KCTD2: variants seen among roughly 807,000 people sequenced by gnomAD.
The protein encoded by KCTD2 is BTB/POZ domain-containing protein KCTD2.
A neutral mutation model predicts 27.9 loss-of-function variants in KCTD2; 18 were observed. The observed-to-expected ratio is 0.64, with a 90% CI of 0.45 to 0.96. The LOEUF (loss-of-function observed/expected upper bound fraction) is 0.96, where lower values mean the gene tolerates loss of function less well. Among genes scored for constraint, KCTD2 ranks in the 40% least tolerant of loss-of-function variants. The pLI is 0.00. For missense variants in KCTD2, 280 were observed against 348.0 expected (o/e 0.80, Z 1.56); for synonymous variants, 175 against 148.4 (o/e 1.18, Z -1.30).
intron 3 of KCTD2, 54 bp downstream of exon 3, chr17:75,053,159 C>G: frequency 7.1e-7 from 1 of 1,400,776 alleles, no homozygotes; most frequent in Non-Finnish European, 1.0e-6. Context: ...TTCTGTCGGT[C>G]GGTCTGTGAT....
Position 75,059,243 on chromosome 17 carries a change from T to G in KCTD2, c.541-267T>G, listed in dbSNP as rs372119032. The G allele has an allele frequency of 5.1e-5, 14 of 274,816 alleles. No individual in the cohort carries two copies. The South Asian group carries it at 2.1e-3, about 42-fold the overall frequency. The allele number at this position is 274,816 out of a possible 1,614,324, so 17.0% of individuals were successfully genotyped here. The stretch of plus-strand genomic sequence containing the variant: ...GAAGTTCAGAATTATTTTACCTTTT[T>G]TATTCTTTCACTCTTTGGATATGTT... On this transcript the variant is annotated intron_variant, in intron 3 of 5. Transcript: ENST00000322444.
intron 3 of KCTD2, among the ~76,000 whole-genome samples, chr17:75,054,041 A>G (rs1354339066): frequency 6.6e-6 from 1 of 151,444 alleles, no homozygotes; most frequent in East Asian, 1.9e-4. Flanking sequence ...AGGGAGGACA[A>G]GGTCTCACTC....
intron 3 of KCTD2, among the ~76,000 whole-genome samples, chr17:75,058,722 C>T (rs1164122611): frequency 6.6e-6 from 1 of 151,802 alleles, no homozygotes; most frequent in South Asian, 2.1e-4. Flanking sequence ...TCGCTTGAAC[C>T]GGGGAGGCGG....
chr17:75,034,938 C>T (rs1327635297), intron 2 of KCTD2, among the ~76,000 whole-genome samples: 1 of 152,118 alleles, frequency 6.6e-6, no homozygotes, highest in Admixed American at 6.5e-5. Flanking sequence ...CAGGGAGGCT[C>T]AGAGACTAGT....
Position 75,042,103 on chromosome 17 carries a change from G to A in KCTD2, c.-259+6746G>A, listed in dbSNP as rs1567987594. 5.6e-6 allele frequency: 7 copies of A among 1,257,822 alleles called. No homozygotes were observed. The East Asian group carries it at 1.2e-4, about 21-fold the overall frequency. The allele number at this position is 1,257,822 out of a possible 1,614,324, so 77.9% of individuals were successfully genotyped here. A position where few individuals can be genotyped will look rare whatever the true frequency, so the allele number is the denominator to read the frequency against. On this transcript the variant is annotated intron_variant, in intron 3 of 7. Coordinates refer to the KCTD2 transcript ENST00000581589. ...CTTAGGGATCTGGCTGTCATGCTGTGTATGTAATTATCCCTGTTCCTGCTC... is the reference window on the plus strand; with the variant it reads ...CTTAGGGATCTGGCTGTCATGCTGTATATGTAATTATCCCTGTTCCTGCTC...
intron 2 of KCTD2, among the ~76,000 whole-genome samples, chr17:75,051,892 C>G (rs1171694686): frequency 6.6e-6 from 1 of 152,160 alleles, no homozygotes; most frequent in Non-Finnish European, 1.5e-5. Context: ...TCACACGTCT[C>G]ATAGTTGCCC....
In KCTD2 at chr17:75,064,269, G is replaced by A. The variant is rs896785077; in HGVS notation, c.*1222G>A. ...GAGTTTGTGTCCACACTTTCTCTCC[G>A]AGCATGTGGGTCTCGCTGAGCAGTC... On this transcript the variant is annotated 3_prime_UTR_variant, in exon 6 of 6. Coordinates refer to ENST00000322444, the MANE Select transcript of KCTD2 (RefSeq NM_015353.3). The A allele has an allele frequency of 2.0e-5, 3 of 152,252 alleles. No homozygotes were observed. The highest frequency in any genetic ancestry group is 2.9e-5 in the Non-Finnish European group (2 of 68,062). 9.4% of individuals were successfully genotyped at this position (152,252 alleles called of 1,614,324 possible).
chr17:75,042,943 A>T (rs1476804448), upstream of KCTD2, among the ~76,000 whole-genome samples: 1 of 152,218 alleles, frequency 6.6e-6, no homozygotes, highest in African/African-American at 2.4e-5. Flanking sequence ...GTGTGCGGCC[A>T]GGCGCAGTGG....
At chr17:75,058,753 G>A (rs554284151) in intron 3 of KCTD2, among the ~76,000 whole-genome samples, 2 of 151,826 alleles carry the variant, frequency 1.3e-5, no homozygotes, top group South Asian at 2.1e-4. Context: ...AGCTGAGATC[G>A]CGCCACTGTA....
At chr17:75,039,153 T>C (rs144012337) in intron 3 of KCTD2, 15 of 1,612,040 alleles carry the variant, frequency 9.3e-6, no homozygotes, top group African/African-American at 6.7e-5. Flanking sequence ...GTGAAAGATG[T>C]GTGGTCATGA....
upstream of KCTD2, among the ~76,000 whole-genome samples, chr17:75,043,154 G>C (rs1285062962): frequency 6.6e-6 from 1 of 152,234 alleles, no homozygotes; most frequent in Non-Finnish European, 1.5e-5. Flanking sequence ...CCAGGAGGCA[G>C]AGGTTGTAAT....
chr17:75,061,671 A>C (rs1197559698), intron 4 of KCTD2, among the ~76,000 whole-genome samples: 1 of 152,138 alleles, frequency 6.6e-6, no homozygotes, highest in African/African-American at 2.4e-5. Context: ...TACCAGCAGC[A>C]TATGACTTCC....
intron 2 of KCTD2, chr17:75,035,115 C>T (rs566835390): frequency 5.3e-5 from 8 of 152,154 alleles, no homozygotes; most frequent in East Asian, 2.0e-4. Flanking sequence ...CAGCCGGAGA[C>T]CGCGTGGCCT....
chr17:75,033,753 TC>T (rs1368028266), intron 1 of KCTD2, among the ~76,000 whole-genome samples: 1 of 152,178 alleles, frequency 6.6e-6, no homozygotes, highest in Non-Finnish European at 1.5e-5. Context: ...TGGGGGCAGG[TC>T]CCTGCGCACC....
intron 4 of KCTD2, chr17:75,060,473 A>G: frequency 4.3e-6 from 7 of 1,611,418 alleles, no homozygotes; most frequent in Non-Finnish European, 5.9e-6. Context: ...TGATACTTTC[A>G]GAAACCAGGG....
At chr17:75,036,030 G>A in intron 3 of KCTD2, 2 of 454,434 alleles carry the variant, frequency 4.4e-6, no homozygotes, top group Non-Finnish European at 8.8e-6. Context: ...TGGACATAGG[G>A]GAGAATAAAT....
chr17:75,050,076 T>G (rs1169854664), intron 2 of KCTD2, among the ~76,000 whole-genome samples: 2 of 152,220 alleles, frequency 1.3e-5, no homozygotes, highest in Admixed American at 6.5e-5. Flanking sequence ...GGAATTGCTC[T>G]CTCTCTCTTT....
chr17:75,061,206 C>G (rs1463690499), intron 4 of KCTD2, among the ~76,000 whole-genome samples: 1 of 152,240 alleles, frequency 6.6e-6, no homozygotes, highest in Non-Finnish European at 1.5e-5. Flanking sequence ...GCGCCCCCAG[C>G]CCCATCCTAC....
chr17:75,034,455 CA>C (rs1311452816), intron 2 of KCTD2, among the ~76,000 whole-genome samples: 1 of 152,206 alleles, frequency 6.6e-6, no homozygotes, highest in East Asian at 1.9e-4. Context: ...CTCGAACCCA[CA>C]ATCCCTGGCT....
Sources: gnomAD v4.1 joint callset for allele counts (sites outside exome capture counted in the v4.1 genomes callset) on GRCh38, gnomAD v4.1.1 for gene constraint, MANE v1.5 for transcripts, NCBI Gene and HGNC (gene_info 2026-07-23, HGNC 2026-07-21) for gene names.